The following KLRG1 variants were observed in gnomAD, a reference collection of about 807,000 sequenced individuals.
KLRG1 encodes killer cell lectin like receptor G1.
A neutral mutation model predicts 21.8 loss-of-function variants in KLRG1; 16 were observed. That is an observed-to-expected ratio of 0.73 (90% CI 0.50 to 1.11). The LOEUF is 1.11. Ranked by LOEUF, KLRG1 falls within the 50% of genes most tolerant of loss-of-function variation. The probability of loss-of-function intolerance (pLI) is 0.00; values close to 1 mark genes in which losing one functional copy is unlikely to be tolerated. For synonymous variants in KLRG1, 69 were observed against 75.9 expected (o/e 0.91, Z 0.47); for missense variants, 173 against 218.3 (o/e 0.79, Z 1.31).
chr12:9,014,438 G>T (rs1004751781), downstream of KLRG1, among the ~76,000 whole-genome samples: 15 of 152,058 alleles, frequency 9.9e-5, no homozygotes, highest in Non-Finnish European at 1.5e-5. Context: ...TTACAGGTCA[G>T]GAGAGAGTGG....
chr12:9,084,753 A>G, the KLRG1 span, among the ~76,000 whole-genome samples: 1 of 152,142 alleles, frequency 6.6e-6, no homozygotes, highest in Non-Finnish European at 1.5e-5. Context: ...ATTTAAAAAA[A>G]CAGGACCGAA....
intron 1 of KLRG1, among the ~76,000 whole-genome samples, chr12:8,953,030 C>A (rs183801901): frequency 1.5e-5 from 2 of 134,432 alleles, no homozygotes; most frequent in Admixed American, 1.7e-4. Flanking sequence ...ACCAGGGACC[C>A]GTCCATAGCT....
At chr12:9,215,103 T>C in the KLRG1 span, among the ~76,000 whole-genome samples, 2 of 152,034 alleles carry the variant, frequency 1.3e-5, no homozygotes, top group South Asian at 4.1e-4. Context: ...CCTCCATTCT[T>C]ACATTATTGG....
Position 9,009,525 on chromosome 12 carries a change from G to A in KLRG1, c.558G>A (p.Lys186=). The change falls in exon 5 of 5, where the codon AAG becomes AAA. Residue 186 remains lysine, a synonymous_variant. Transcript: ENST00000356986. ...CEVPLHWVCK[K]VRL ...TTCCTTTACACTGGGTGTGTAAGAA[G>A]GTCAGACTTTGATAGATGACCACTC... 2 of 1,613,854 alleles carry A rather than the reference G, an allele frequency of 1.2e-6. No individual in the cohort carries two copies. The highest frequency in any genetic ancestry group is 1.7e-6 in the Non-Finnish European group (2 of 1,179,868).
the KLRG1 span, among the ~76,000 whole-genome samples, chr12:9,041,333 C>T: frequency 2.0e-5 from 3 of 152,124 alleles, no homozygotes; most frequent in Non-Finnish European, 4.4e-5. Flanking sequence ...AACTCCATCT[C>T]AAAAACAAAC....
intron 1 of KLRG1, among the ~76,000 whole-genome samples, chr12:8,979,893 G>A (rs1946726953): frequency 6.6e-6 from 1 of 151,746 alleles, no homozygotes; most frequent in Non-Finnish European, 1.5e-5. Context: ...TATAATTTCT[G>A]CTTTTTTTGT....
chr12:8,984,509 C>T (rs967331788), intron 1 of KLRG1, among the ~76,000 whole-genome samples: 1 of 152,164 alleles, frequency 6.6e-6, no homozygotes, highest in Non-Finnish European at 1.5e-5. Context: ...CTGCCCCCGC[C>T]TCCCAAAATG....
At chr12:9,033,087 C>T in the KLRG1 span, among the ~76,000 whole-genome samples, 1 of 152,164 alleles carries the variant, frequency 6.6e-6, no homozygotes, top group Non-Finnish European at 1.5e-5. Flanking sequence ...CAGGAAGAAA[C>T]TGCCGGTGAT....
chr12:8,996,920 G>A (rs1318323376), intron 3 of KLRG1, among the ~76,000 whole-genome samples: 2 of 152,168 alleles, frequency 1.3e-5, no homozygotes, highest in Non-Finnish European at 2.9e-5. Context: ...AACAGGAGTC[G>A]TGAGTCATAG....
At chr12:9,030,461 C>T in the KLRG1 span, among the ~76,000 whole-genome samples, 1 of 151,954 alleles carries the variant, frequency 6.6e-6, no homozygotes, top group African/African-American at 2.4e-5. Context: ...GGCTTGAGTG[C>T]AATGGCAAGG....
the KLRG1 span, chr12:9,098,884 T>C: frequency 9.9e-7 from 1 of 1,005,382 alleles, no homozygotes; most frequent in Non-Finnish European, 1.4e-6. Context: ...AGGGTTGGCA[T>C]TGTGTCAATC....
At chr12:9,182,061 G>T in the KLRG1 span, 3 of 1,613,658 alleles carry the variant, frequency 1.9e-6, no homozygotes, top group African/African-American at 1.3e-5. Flanking sequence ...ATGAACATTC[G>T]TGCAATGGGG....
the KLRG1 span, among the ~76,000 whole-genome samples, chr12:9,205,119 G>A: frequency 1.3e-5 from 2 of 152,060 alleles, no homozygotes; most frequent in African/African-American, 4.8e-5. Context: ...AAGTTTATAT[G>A]AGTACTAAAA....
At chr12:9,090,571 G>C in the KLRG1 span, 1 of 1,416,814 alleles carries the variant, frequency 7.1e-7, no homozygotes, top group East Asian at 2.3e-5. Context: ...GAATTGGTTA[G>C]ATTTCAGGTT....
At chr12:9,070,529 T>C in the KLRG1 span, 3 of 1,613,876 alleles carry the variant, frequency 1.9e-6, no homozygotes, top group Admixed American at 3.3e-5. Context: ...CCAGAGACCA[T>C]CTTCACATCA....
chr12:8,988,487 T>C (rs1305793552), upstream of KLRG1: 1 of 152,198 alleles, frequency 6.6e-6, no homozygotes, highest in African/African-American at 2.4e-5. Flanking sequence ...TATAAAGCAC[T>C]CCCTGTTTCT....
At chr12:9,183,456 G>T in the KLRG1 span, among the ~76,000 whole-genome samples, 2 of 152,180 alleles carry the variant, frequency 1.3e-5, no homozygotes, top group Non-Finnish European at 2.9e-5. Flanking sequence ...CTGAAATGCA[G>T]TGGTGCAATC....
the KLRG1 span, chr12:9,072,503 A>T: frequency 1.2e-6 from 2 of 1,606,042 alleles, no homozygotes; most frequent in East Asian, 4.5e-5. Flanking sequence ...AACATCAAAG[A>T]CAAAATCAGT....
intron 1 of KLRG1, among the ~76,000 whole-genome samples, chr12:8,964,213 C>A (rs1473335360): frequency 1.3e-5 from 2 of 152,220 alleles, no homozygotes; most frequent in African/African-American, 4.8e-5. Flanking sequence ...TTGAATGTGT[C>A]CCAGAGATTC....
Sources: allele counts gnomAD v4.1 joint callset (sites outside exome capture counted in the v4.1 genomes callset), GRCh38; gene constraint gnomAD v4.1.1; transcripts MANE v1.5; gene names NCBI Gene and HGNC (gene_info 2026-07-23, HGNC 2026-07-21).